Variants in AGTRAP observed in about 807,000 individuals in gnomAD.
AGTRAP encodes type-1 angiotensin II receptor-associated protein.
A neutral mutation model predicts 15.2 loss-of-function variants in AGTRAP; 7 were observed. The ratio of observed to expected loss-of-function variants is 0.46; its 90% confidence interval spans 0.26 to 0.87. AGTRAP has a LOEUF of 0.87. AGTRAP is among the 40% of genes least tolerant of loss of function. The pLI is 0.15. For synonymous variants in AGTRAP, 74 were observed against 89.6 expected (o/e 0.83, Z 0.98); for missense variants, 187 against 213.4 (o/e 0.88, Z 0.77).
rs1642282345 is a variant in AGTRAP at position 11,750,174 on chromosome 1, A to T, written c.462A>T (p.Gln154His). 1 of 1,613,550 alleles carries T rather than the reference A, an allele frequency of 6.2e-7. No homozygotes were observed. The highest frequency in any genetic ancestry group is 8.5e-7 in the Non-Finnish European group (1 of 1,179,928). ...TTGCAGTCCCAGAGGGCAGGAGTCA[A>T]GATGCCCGAGGGTACTGAAGCCAGC... ...DPFAVPEGRS[Q>H]DARGY Residue 154 changes from glutamine (Q) to histidine (H), a missense_variant, in exon 5 of 5, where the codon CAA becomes CAT. Physicochemically the swap from Gln to His is conservative, Grantham distance 24. Transcript: ENST00000314340.
intron 1 of AGTRAP, among the ~76,000 whole-genome samples, chr1:11,738,427 G>C (rs1327827072): frequency 2.6e-5 from 4 of 152,204 alleles, no homozygotes; most frequent in Non-Finnish European, 5.9e-5. Flanking sequence ...GACTGGACTA[G>C]GGTACAGAGG....
intron 2 of AGTRAP, 150 bp from the exon 3 acceptor site, chr1:11,747,290 G>A (rs1018570448): frequency 8.4e-6 from 6 of 717,770 alleles, no homozygotes; most frequent in Non-Finnish European, 9.8e-6. Context: ...CTGGGTGGGA[G>A]GCGGAGCCCA....
At chr1:11,743,921 G>C (rs12734588) in intron 1 of AGTRAP, among the ~76,000 whole-genome samples, 1 of 152,102 alleles carries the variant, frequency 6.6e-6, no homozygotes, top group Non-Finnish European at 1.5e-5. Context: ...ATGTCCCGGA[G>C]TAGAGACCAG....
rs1033232222 is a variant in AGTRAP, at chr1:11,750,602, C to G, written c.*410C>G. On this transcript the variant is annotated 3_prime_UTR_variant, in exon 5 of 5. Coordinates refer to ENST00000314340, the MANE Select transcript of AGTRAP (RefSeq NM_020350.5). ...CTGAGAGCTTCAGGTCCTGCTCAGC[C>G]CGAGGAGCAGTCTGGCATGGGAGTG... 4.6e-6 allele frequency: 2 copies of G among 436,470 alleles called. No individual in the cohort carries two copies. Among genetic ancestry groups the G allele is most frequent in the African/African-American group, 3.9e-5 (2 of 50,786 alleles). The allele number at this position is 436,470 out of a possible 1,614,324, so 27.0% of individuals were successfully genotyped here.
At chr1:11,738,578 C>T (rs1641953375) in intron 1 of AGTRAP, among the ~76,000 whole-genome samples, 1 of 151,910 alleles carries the variant, frequency 6.6e-6, no homozygotes, top group African/African-American at 2.4e-5. Context: ...GCGCTTCCCA[C>T]ACCTCTCCAC....
chr1:11,748,327 C>A, intron 3 of AGTRAP, 88 bp from the exon 4 acceptor site: 1 of 1,420,736 alleles, frequency 7.0e-7, no homozygotes, highest in Non-Finnish European at 9.7e-7. Flanking sequence ...CACAGCAGGG[C>A]ATGAAACGGC....
At chr1:11,742,595 A>G (rs966119902) in intron 1 of AGTRAP, among the ~76,000 whole-genome samples, 5 of 150,896 alleles carry the variant, frequency 3.3e-5, no homozygotes, top group South Asian at 4.2e-4. Flanking sequence ...CAGTGGCATG[A>G]TCTTGGCTCA....
chr1:11,742,433 CTTCCTTCG>C (rs1408724707), intron 1 of AGTRAP, among the ~76,000 whole-genome samples: 2 of 142,316 alleles, frequency 1.4e-5, no homozygotes, highest in Non-Finnish European at 3.2e-5. Context: ...CCTTCTTTCC[CTTCCTTCG>C]TTCCTTCCTT....
rs752747010 is a variant in AGTRAP, at chr1:11,748,497, C to G, written c.251C>G (p.Thr84Arg). Reference sequence around the variant, plus strand: ...TACCCGCGGGTCAGCCTCACGGACACGGGCCGCTTTGGCGTGGGCATGGCC... The same window carrying G: ...TACCCGCGGGTCAGCCTCACGGACAGGGGCCGCTTTGGCGTGGGCATGGCC... ...IFYPRVSLTDTGRFGVGMAIL... is the reference protein window; with the variant it reads ...IFYPRVSLTDRGRFGVGMAIL... The change falls in exon 4 of 5, where the codon ACG becomes AGG. Residue 84 changes from threonine (T) to arginine (R), a missense_variant. Transcript: ENST00000314340. The G allele has an allele frequency of 6.2e-7, 1 of 1,613,380 alleles. No individual in the cohort carries two copies. Among genetic ancestry groups the G allele is most frequent in the Admixed American group, 1.7e-5 (1 of 60,028 alleles).
chr1:11,749,678 A>T (rs10864533), intron 4 of AGTRAP, among the ~76,000 whole-genome samples: 60,795 of 151,998 alleles, frequency 0.4, 12,688 homozygotes, highest in Non-Finnish European at 0.45. Flanking sequence ...CCCGGGGCTG[A>T]TGTCCCTCTG....
intron 1 of AGTRAP, among the ~76,000 whole-genome samples, chr1:11,736,704 C>T (rs865943222): frequency 1.6e-4 from 24 of 152,256 alleles, no homozygotes; most frequent in African/African-American, 5.5e-4. Flanking sequence ...CAGATGTTCC[C>T]AAGCAGTTGG....
intron 1 of AGTRAP, among the ~76,000 whole-genome samples, chr1:11,741,374 A>G (rs919721586): frequency 2.0e-5 from 3 of 152,216 alleles, no homozygotes; most frequent in African/African-American, 7.2e-5. Context: ...TTCCTAGGGC[A>G]GAGTACCTGG....
At position 11,748,528 on chromosome 1, in the gene AGTRAP, C is replaced by T. The variant is rs577629221; in HGVS notation, c.282C>T (p.Leu94=). 6.2e-6 allele frequency: 10 copies of T among 1,612,284 alleles called. No individual in the cohort carries two copies. In the African/African-American group the frequency reaches 1.3e-4, roughly 21 times the overall value. Residue 94 remains leucine (L), a synonymous_variant, in exon 4 of 5, where the codon CTC becomes CTT. Coordinates refer to ENST00000314340, the MANE Select transcript of AGTRAP (RefSeq NM_020350.5). ...TGRFGVGMAI[L]SLLLKPLSCC... ...GCTTTGGCGTGGGCATGGCCATCCT[C>T]AGCTTGCTGCTCAAGCCGCTCTCCT...
In AGTRAP at chr1:11,750,189, C is replaced by A; in HGVS notation, c.477C>A (p.Tyr159Ter). Residue 159 changes from tyrosine (Y) to a stop codon, truncating the protein, a stop_gained, in exon 5 of 5, where the codon TAC becomes TAA. Coordinates refer to ENST00000314340, the MANE Select transcript of AGTRAP (RefSeq NM_020350.5). LOFTEE classifies it high-confidence loss of function. ...PEGRSQDARGY is the reference protein window; with the variant it reads ...PEGRSQDARG ...GCAGGAGTCAAGATGCCCGAGGGTACTGAAGCCAGCCACGCTGCGCCCGGC... is the reference window on the plus strand; with the variant it reads ...GCAGGAGTCAAGATGCCCGAGGGTAATGAAGCCAGCCACGCTGCGCCCGGC... The A allele has an allele frequency of 6.2e-7, 1 of 1,612,488 alleles. No individual in the cohort carries two copies. The highest frequency in any genetic ancestry group is 2.2e-5 in the East Asian group (1 of 44,858).
rs762295271 is a variant in AGTRAP at position 11,747,551 on chromosome 1, C to G, written c.168+6C>G. On this transcript the variant is annotated splice_donor_region_variant and intron_variant, in intron 3 of 4. Transcript: ENST00000314340. ...CCATCGACGCCATAAGCATGGTGAG[C>G]CAGGGTGGGGGAGAGGCGGCAAGGC... The G allele has an allele frequency of 6.2e-7, 1 of 1,613,236 alleles. No homozygotes were observed. Among genetic ancestry groups the G allele is most frequent in the Non-Finnish European group, 8.5e-7 (1 of 1,179,784 alleles).
intron 1 of AGTRAP, among the ~76,000 whole-genome samples, chr1:11,742,604 C>T (rs1019912021): frequency 6.6e-6 from 1 of 152,006 alleles, no homozygotes; most frequent in Non-Finnish European, 1.5e-5. Flanking sequence ...GATCTTGGCT[C>T]ACTGTACACT....
In AGTRAP at chr1:11,748,519, G is replaced by T. The variant is rs745866367; in HGVS notation, c.273G>T (p.Met91Ile). The change falls in exon 4 of 5, where the codon ATG becomes ATT. Residue 91 changes from methionine to isoleucine, a missense_variant. Transcript: ENST00000314340. Reference protein sequence around the residue: ...LTDTGRFGVGMAILSLLLKPL... With the variant: ...LTDTGRFGVGIAILSLLLKPL... ...ACACGGGCCGCTTTGGCGTGGGCATGGCCATCCTCAGCTTGCTGCTCAAGC... is the reference window on the plus strand; with the variant it reads ...ACACGGGCCGCTTTGGCGTGGGCATTGCCATCCTCAGCTTGCTGCTCAAGC... 5 of 1,612,568 alleles carry T rather than the reference G, an allele frequency of 3.1e-6. No homozygotes were observed. In the East Asian group the frequency reaches 1.1e-4, roughly 36 times the overall value.
Position 11,745,308 on chromosome 1 carries a change from A to G in AGTRAP, c.28-495A>G, listed in dbSNP as rs1642134812. On this transcript the variant is annotated intron_variant, in intron 1 of 4. Coordinates refer to ENST00000314340, the MANE Select transcript of AGTRAP (RefSeq NM_020350.5). This position sits in a 1 kb window ranked among gnomAD's most constrained non-coding sequence, Gnocchi z 4.2. ...TGCTGGTGGGAGTGTAGCAGTGAGG[A>G]CAACCAGAGGTTACTCTCGTGGCCA... Among the ~76,000 whole-genome samples the G allele has an allele frequency of 6.6e-6, 1 of 152,162 alleles. No homozygotes were observed. The highest frequency in any genetic ancestry group is 1.5e-5 in the Non-Finnish European group (1 of 68,034).
intron 1 of AGTRAP, among the ~76,000 whole-genome samples, chr1:11,738,338 G>A (rs543087361): frequency 7.2e-5 from 11 of 152,328 alleles, no homozygotes; most frequent in Admixed American, 3.3e-4. Flanking sequence ...ACAAAGGGCA[G>A]CTCCTGACCA....
Sources: gnomAD v4.1 joint callset for allele counts (sites outside exome capture counted in the v4.1 genomes callset) on GRCh38, gnomAD v4.1.1 for gene constraint, Gnocchi (gnomAD v3.1) non-coding constraint, MANE v1.5 for transcripts, NCBI Gene and HGNC (gene_info 2026-07-23, HGNC 2026-07-21) for gene names.